The following SNX29 variants were observed in gnomAD, a reference collection of about 807,000 sequenced individuals.
SNX29 encodes the protein sorting nexin 29, also known as sorting nexin-29.
SNX29 carries 78 observed loss-of-function variants against 102.1 expected under a neutral mutation model. The observed-to-expected ratio is 0.76, with a 90% CI of 0.64 to 0.92. The LOEUF (loss-of-function observed/expected upper bound fraction) is 0.92, where lower values mean the gene tolerates loss of function less well. Among genes scored for constraint, SNX29 ranks in the 40% least tolerant of loss-of-function variants. The pLI is 0.00. For synonymous variants in SNX29, 580 were observed against 414.5 expected (o/e 1.40, Z -4.85); for missense variants, 1,280 against 1,061.7 (o/e 1.21, Z -2.86).
At chr16:12,474,903 G>A (rs988296886) in intron 18 of SNX29, among the ~76,000 whole-genome samples, 4 of 152,170 alleles carry the variant, frequency 2.6e-5, no homozygotes, top group African/African-American at 9.7e-5. Flanking sequence ...GAAGGAGTAC[G>A]CCCACGTGTG....
chr16:11,983,707 C>T (rs576379916), intron 1 of SNX29: 2 of 985,170 alleles, frequency 2.0e-6, no homozygotes, highest in Non-Finnish European at 1.2e-6. Flanking sequence ...TTGCTTGACT[C>T]CAGGTAACTG....
chr16:12,448,754 C>T (rs2086173599), intron 18 of SNX29, among the ~76,000 whole-genome samples: 1 of 152,180 alleles, frequency 6.6e-6, no homozygotes, highest in Non-Finnish European at 1.5e-5. Context: ...GTGTCTGGCT[C>T]ATAGTCATGT....
chr16:12,207,052 A>G (rs1258289978), intron 14 of SNX29, among the ~76,000 whole-genome samples: 1 of 152,094 alleles, frequency 6.6e-6, no homozygotes, highest in Non-Finnish European at 1.5e-5. Context: ...TTGTCGCTTC[A>G]TGTAGGTACC....
intron 19 of SNX29, among the ~76,000 whole-genome samples, chr16:12,499,281 C>T (rs16959763): frequency 0.024 from 3,705 of 152,230 alleles, 144 homozygotes; most frequent in African/African-American, 0.083. Flanking sequence ...TTGCAGATGC[C>T]CCCAATGCAC....
chr16:12,145,721 T>C (rs941911679), intron 13 of SNX29, among the ~76,000 whole-genome samples: 2 of 152,242 alleles, frequency 1.3e-5, no homozygotes, highest in Non-Finnish European at 2.9e-5. Flanking sequence ...AGTTTTTTAT[T>C]ACAATAATAC....
At chr16:12,024,531 C>T (rs891125852) in intron 3 of SNX29, among the ~76,000 whole-genome samples, 7 of 152,114 alleles carry the variant, frequency 4.6e-5, no homozygotes, top group African/African-American at 1.4e-4. Flanking sequence ...TTAAGTAGAA[C>T]GGCCTTTGGC....
rs576108814 is a variant in SNX29, at chr16:11,993,584, G to A, written c.8-5713G>A. On this transcript the variant is annotated intron_variant, in intron 1 of 20. Transcript: ENST00000566228. Reference sequence around the variant, plus strand: ...TACAATTTCCCTCATTTTATCGTCCGAAGAGGTAGGTTCTATGATGAGCCT... The same window carrying A: ...TACAATTTCCCTCATTTTATCGTCCAAAGAGGTAGGTTCTATGATGAGCCT... Among the ~76,000 whole-genome samples the A allele has an allele frequency of 6.6e-5, 10 of 152,204 alleles. No individual in the cohort carries two copies. The South Asian group carries it at 1.5e-3, about 22-fold the overall frequency.
At chr16:12,271,309 C>T (rs745849674) in intron 14 of SNX29, among the ~76,000 whole-genome samples, 4 of 152,218 alleles carry the variant, frequency 2.6e-5, no homozygotes, top group Non-Finnish European at 4.4e-5. Flanking sequence ...GCACTGCCCT[C>T]ATGTGGCTCA....
chr16:12,490,828 C>A (rs1017986736), intron 19 of SNX29, among the ~76,000 whole-genome samples: 2 of 152,196 alleles, frequency 1.3e-5, no homozygotes, highest in Non-Finnish European at 2.9e-5. Context: ...ATGTAATGAA[C>A]ACACACGTAT....
chr16:12,551,128 G>A (rs1052655475), intron 20 of SNX29, among the ~76,000 whole-genome samples: 1 of 152,080 alleles, frequency 6.6e-6, no homozygotes, highest in Non-Finnish European at 1.5e-5. Context: ...ATGGAACAGT[G>A]GTCCACAGCT....
intron 20 of SNX29, among the ~76,000 whole-genome samples, chr16:12,534,879 C>G (rs929912310): frequency 6.6e-6 from 1 of 152,132 alleles, no homozygotes; most frequent in African/African-American, 2.4e-5. Context: ...GACAGTGCCA[C>G]GAGAATCTAG....
At chr16:12,537,897 G>A (rs1280820515) in intron 20 of SNX29, among the ~76,000 whole-genome samples, 1 of 151,226 alleles carries the variant, frequency 6.6e-6, no homozygotes, top group South Asian at 2.1e-4. Context: ...AGGCAGGAGA[G>A]TCACTGGAAC....
chr16:12,029,704 G>C (rs2057288992), intron 4 of SNX29: 1 of 438,112 alleles, frequency 2.3e-6, no homozygotes, highest in Non-Finnish European at 4.5e-6. Context: ...TGATTCTCCA[G>C]CCTCAGCCAC....
chr16:12,027,290 G>A, intron 3 of SNX29, 30 bp from the exon 4 acceptor site: 1 of 1,612,108 alleles, frequency 6.2e-7, no homozygotes, highest in South Asian at 1.1e-5. Flanking sequence ...CTTTTCTGGG[G>A]GGACTGATGA....
intron 4 of SNX29, among the ~76,000 whole-genome samples, chr16:12,041,258 C>T (rs186071752): frequency 1.2e-4 from 18 of 152,040 alleles, no homozygotes; most frequent in African/African-American, 3.6e-4. Flanking sequence ...ATTACAGGTG[C>T]CTGCCACCAT....
At chr16:12,323,776 C>G (rs539897741) in intron 15 of SNX29, among the ~76,000 whole-genome samples, 2 of 152,248 alleles carry the variant, frequency 1.3e-5, no homozygotes, top group African/African-American at 4.8e-5. Context: ...TTCCCTGTGC[C>G]TCGTCTTCTT....
intron 14 of SNX29, among the ~76,000 whole-genome samples, chr16:12,206,899 G>A (rs117259801): frequency 3.3e-5 from 5 of 150,102 alleles, no homozygotes; most frequent in African/African-American, 1.2e-4. Context: ...TGCCTTGGAG[G>A]ATATCACTTT....
intron 14 of SNX29, among the ~76,000 whole-genome samples, chr16:12,273,732 A>C (rs778833245): frequency 4.6e-5 from 7 of 152,148 alleles, no homozygotes; most frequent in Admixed American, 1.3e-4. Flanking sequence ...GTCATGCCCC[A>C]AAGAAGCCTG....
intron 20 of SNX29, among the ~76,000 whole-genome samples, chr16:12,542,356 G>C (rs1467837689): frequency 2.6e-5 from 4 of 152,196 alleles, no homozygotes; most frequent in East Asian, 1.9e-4. Context: ...AAAAGAAAAA[G>C]TTAGACCCAA....
Sources: allele counts gnomAD v4.1 joint callset (sites outside exome capture counted in the v4.1 genomes callset), GRCh38; gene constraint gnomAD v4.1.1; transcripts MANE v1.5; gene names NCBI Gene and HGNC (gene_info 2026-07-23, HGNC 2026-07-21).